Variants in DYSF observed in about 807,000 individuals in gnomAD.
DYSF encodes the protein dystrophy-associated fer-1-like 1.
A neutral mutation model predicts 274.9 loss-of-function variants in DYSF; 212 were observed. The observed-to-expected ratio is 0.77, with a 90% CI of 0.69 to 0.86. The LOEUF is 0.86. Among genes scored for constraint, DYSF ranks in the 40% least tolerant of loss-of-function variants. The probability of loss-of-function intolerance (pLI) is 0.00; values close to 1 mark genes in which losing one functional copy is unlikely to be tolerated. For missense variants in DYSF, 2,666 were observed against 2,783.2 expected, an observed-to-expected ratio of 0.96 and a Z score of 0.95; for synonymous variants, 1,091 against 1,078.7, an observed-to-expected ratio of 1.01 and a Z score of -0.22.
intron 36 of DYSF, among the ~76,000 whole-genome samples, chr2:71,606,812 A>T (rs745477258): frequency 1.3e-5 from 2 of 152,182 alleles, no homozygotes; most frequent in Non-Finnish European, 2.9e-5. Flanking sequence ...AAGAAAGCCC[A>T]TTGAACCAGA....
chr2:71,558,380 G>C (rs1236297706), intron 22 of DYSF, among the ~76,000 whole-genome samples: 1 of 152,176 alleles, frequency 6.6e-6, no homozygotes, highest in Non-Finnish European at 1.5e-5. Flanking sequence ...AGTGGGGTTG[G>C]AGGGGCACAT....
intron 4 of DYSF, among the ~76,000 whole-genome samples, chr2:71,508,960 C>T (rs958942364): frequency 6.6e-6 from 1 of 152,196 alleles, no homozygotes; most frequent in Non-Finnish European, 1.5e-5. Context: ...TCAACCAATC[C>T]TCCCACCTCA....
chr2:71,464,479 G>C (rs2081412767), upstream of DYSF, among the ~76,000 whole-genome samples: 1 of 152,218 alleles, frequency 6.6e-6, no homozygotes, highest in Admixed American at 6.5e-5. Context: ...TCTCACTGGA[G>C]TTGATATCTG....
intron 52 of DYSF, 117 bp from the exon 53 acceptor site, chr2:71,678,939 TG>T: frequency 1.1e-6 from 1 of 889,098 alleles, no homozygotes; most frequent in Non-Finnish European, 1.9e-6. Context: ...GGCTCGGCCA[TG>T]GATAGAAGCT....
rs141657039 is a variant in DYSF at position 71,495,506 on chromosome 2, T to G, written c.240-7708T>G. Among the ~76,000 whole-genome samples the G allele has an allele frequency of 7.2e-5, 11 of 152,316 alleles. No homozygotes were observed. In the East Asian group the frequency reaches 2.1e-3, roughly 29 times the overall value. On this transcript the variant is annotated intron_variant, in intron 3 of 55. Coordinates refer to ENST00000410020, the MANE Select transcript of DYSF (RefSeq NM_001130987.2). Reference sequence around the variant, plus strand: ...AAACACTGGGTTGGTGAGTGTGACATCCTAGGGTCAACCACCTGGGCTGTT... The same window carrying G: ...AAACACTGGGTTGGTGAGTGTGACAGCCTAGGGTCAACCACCTGGGCTGTT...
chr2:71,567,165 T>A (rs2092156354), intron 24 of DYSF, among the ~76,000 whole-genome samples: 1 of 152,234 alleles, frequency 6.6e-6, no homozygotes, highest in African/African-American at 2.4e-5. Flanking sequence ...GGAGAATAAT[T>A]TTTGTTTCAT....
At chr2:71,563,920 G>T in intron 23 of DYSF, 138 bp from the exon 24 acceptor site, 1 of 1,251,046 alleles carries the variant, frequency 8.0e-7, no homozygotes, top group East Asian at 2.4e-5. Flanking sequence ...GGAAGGCCAG[G>T]GTGGACAGTG....
chr2:71,516,372 G>A, intron 9 of DYSF, 130 bp downstream of exon 9: 1 of 892,666 alleles, frequency 1.1e-6, no homozygotes, highest in East Asian at 2.6e-5. Context: ...GCGTGTGTGT[G>A]CCTGTCGGTG....
chr2:71,670,679 C>T (rs757525276), intron 51 of DYSF, among the ~76,000 whole-genome samples: 44 of 152,292 alleles, frequency 2.9e-4, no homozygotes, highest in African/African-American at 9.9e-4. Flanking sequence ...TCATCTGGGG[C>T]GTCAACTTTT....
chr2:71,526,259 GA>G lies in DYSF; in HGVS notation c.1192del (p.Ser398AlafsTer9), dbSNP rs2087887269. The G allele has an allele frequency of 6.2e-7, 1 of 1,614,252 alleles. No homozygotes were observed. Among genetic ancestry groups the G allele is most frequent in the Non-Finnish European group, 8.5e-7 (1 of 1,180,050 alleles). On this transcript the variant is annotated frameshift_variant, in exon 13 of 56. Transcript: ENST00000410020. LOFTEE classifies it high-confidence loss of function. The stretch of plus-strand genomic sequence containing the variant: ...CCCCTCTGAAGACAAGGAGGACATT[GA>G]AAGCAACCTGCTCCGGCCCACAGGC... ...KDPSEDKEDI[E>X]SNLLRPTGVA...
intron 1 of DYSF, among the ~76,000 whole-genome samples, chr2:71,461,631 T>A (rs2081288128): frequency 1.3e-5 from 2 of 152,256 alleles, no homozygotes; most frequent in Non-Finnish European, 2.9e-5. Context: ...GGCTGCAGTG[T>A]GGATAATGGG....
rs1244541340 is a variant in DYSF at position 71,598,422 on chromosome 2, T to C, written c.3575-142T>C. On this transcript the variant is annotated intron_variant, in intron 32 of 55. Transcript: ENST00000410020. ...GGCTAGGAGAGCCCCATAGGGAAGA[T>C]GCATCCCAGCATGAATGTTGTTGCT... 4.0e-6 allele frequency: 4 copies of C among 1,012,652 alleles called. No homozygotes were observed. In the Admixed American group the frequency reaches 8.0e-5, roughly 20 times the overall value. 62.7% of individuals were successfully genotyped at this position (1,012,652 alleles called of 1,614,324 possible).
chr2:71,581,357 T>C (rs1333470257), intron 30 of DYSF, among the ~76,000 whole-genome samples: 1 of 152,208 alleles, frequency 6.6e-6, no homozygotes, highest in Non-Finnish European at 1.5e-5. Context: ...GTAAATTAAA[T>C]GGGGTTGCAC....
intron 36 of DYSF, among the ~76,000 whole-genome samples, chr2:71,608,653 C>T (rs1283679079): frequency 6.6e-6 from 1 of 152,144 alleles, no homozygotes; most frequent in African/African-American, 2.4e-5. Flanking sequence ...TTCTTGTTCC[C>T]CTGTCCTCAG....
intron 21 of DYSF, among the ~76,000 whole-genome samples, chr2:71,554,854 A>G (rs1209786213): frequency 6.6e-6 from 1 of 152,074 alleles, no homozygotes; most frequent in Non-Finnish European, 1.5e-5. Flanking sequence ...AGGTGGGCAG[A>G]GGTGTAGAGG....
At chr2:71,471,048 G>A (rs2082000815) in intron 1 of DYSF, among the ~76,000 whole-genome samples, 1 of 151,954 alleles carries the variant, frequency 6.6e-6, no homozygotes, top group African/African-American at 2.4e-5. Context: ...CACCCACCTT[G>A]GCCTCCCAAA....
At chr2:71,612,483 T>C (rs1243285860) in intron 38 of DYSF, among the ~76,000 whole-genome samples, 158 bp from the exon 39 acceptor site, 1 of 152,232 alleles carries the variant, frequency 6.6e-6, no homozygotes, top group Non-Finnish European at 1.5e-5. Flanking sequence ...AAAAGGTGTG[T>C]GGCTTCGCTC....
intron 41 of DYSF, among the ~76,000 whole-genome samples, chr2:71,633,003 C>G (rs989611239): frequency 1.3e-5 from 2 of 152,316 alleles, no homozygotes; most frequent in Admixed American, 6.5e-5. Flanking sequence ...ACTTCTTTCC[C>G]ACCTCTGCTG....
intron 26 of DYSF, among the ~76,000 whole-genome samples, chr2:71,568,617 G>A (rs369040441): frequency 6.6e-6 from 1 of 151,500 alleles, no homozygotes; most frequent in African/African-American, 2.4e-5. Context: ...CTGGAGTGCA[G>A]TAGCATGATC....
Sources: gnomAD v4.1 joint callset for allele counts (sites outside exome capture counted in the v4.1 genomes callset) on GRCh38, gnomAD v4.1.1 for gene constraint, MANE v1.5 for transcripts, NCBI Gene and HGNC (gene_info 2026-07-23, HGNC 2026-07-21) for gene names.